Variants in GIGYF2 observed in about 807,000 individuals in gnomAD.
GIGYF2 encodes GRB10 interacting GYF protein 2.
A neutral mutation model predicts 208.1 loss-of-function variants in GIGYF2; 25 were observed. The observed-to-expected ratio is 0.12, with a 90% CI of 0.09 to 0.17. GIGYF2 has a LOEUF of 0.17. Among genes scored for constraint, GIGYF2 ranks in the 10% least tolerant of loss-of-function variants. GIGYF2 has a pLI of 1.00. For synonymous variants in GIGYF2, 534 were observed against 543.8 expected, an observed-to-expected ratio of 0.98 and a Z score of 0.25; for missense variants, 1,302 against 1,579.4, an observed-to-expected ratio of 0.82 and a Z score of 2.98.
intron 2 of GIGYF2, chr2:232,722,593 A>AGACT (rs2106275021): frequency 6.6e-6 from 1 of 152,314 alleles, no homozygotes; most frequent in Admixed American, 6.5e-5. Context: ...CCTGAATTGG[A>AGACT]GACTGGCACA....
chr2:232,720,583 A>ATTTT lies in GIGYF2; in HGVS notation c.-43-14570_-43-14567dup, dbSNP rs1553605416. On this transcript the variant is annotated intron_variant, in intron 2 of 28. Transcript: ENST00000373563. The stretch of plus-strand genomic sequence containing the variant: ...CAGTGTAATATATATATATATATAT[A>ATTTT]TTTTTGTTTGTTTGTTTGTTTGTTT... Among the ~76,000 whole-genome samples, 379 of 144,972 alleles carry ATTTT rather than the reference A, an allele frequency of 2.6e-3. 1 individual carries two copies. The highest frequency in any genetic ancestry group is 5.4e-3 in the African/African-American group (214 of 39,866).
chr2:232,724,551 A>T (rs1697109501), intron 2 of GIGYF2: 1 of 151,370 alleles, frequency 6.6e-6, no homozygotes, highest in Admixed American at 6.6e-5. Flanking sequence ...TAAATATCTG[A>T]AACATTTTTT....
chr2:232,702,941 A>G (rs1391681037), intron 1 of GIGYF2, among the ~76,000 whole-genome samples: 2 of 152,124 alleles, frequency 1.3e-5, no homozygotes, highest in Non-Finnish European at 2.9e-5. Context: ...GACTACAGGC[A>G]TGTGCCACCA....
chr2:232,756,197 C>CTTTTTTTT lies in GIGYF2; in HGVS notation c.268-13_268-6dup, dbSNP rs759525243. ...TTTTCTTTCTTTTTTTCCTTTTTCT[C>CTTTTTTTT]TTTTTTTTTTTTTTTTTTTTGGCAG... On this transcript the variant is annotated intron_variant, in intron 5 of 28. Coordinates refer to ENST00000373563, the MANE Select transcript of GIGYF2 (RefSeq NM_001103146.3). 8.0e-4 allele frequency: 565 copies of CTTTTTTTT among 710,124 alleles called. 4 individuals are homozygous for CTTTTTTTT. Among genetic ancestry groups the CTTTTTTTT allele is most frequent in the South Asian group, 1.7e-3 (88 of 51,106 alleles). 44.0% of individuals were successfully genotyped at this position (710,124 alleles called of 1,614,324 possible).
chr2:232,788,834 C>G (rs760073716), intron 9 of GIGYF2, among the ~76,000 whole-genome samples: 2 of 151,900 alleles, frequency 1.3e-5, no homozygotes, highest in Non-Finnish European at 2.9e-5. Context: ...TTCAGTCACA[C>G]CTGTGGCTGA....
At chr2:232,814,925 A>C (rs1700865461) in intron 18 of GIGYF2, among the ~76,000 whole-genome samples, 2 of 152,206 alleles carry the variant, frequency 1.3e-5, no homozygotes, top group Admixed American at 1.3e-4. Flanking sequence ...AGAATGCTGA[A>C]AAGTGGTGCT....
At chr2:232,776,716 C>A in intron 8 of GIGYF2, 2 of 469,474 alleles carry the variant, frequency 4.3e-6, no homozygotes. Context: ...TTTCTTTACC[C>A]AACACAAACC....
chr2:232,804,672 T>C (rs988896832), intron 14 of GIGYF2, among the ~76,000 whole-genome samples: 1 of 152,130 alleles, frequency 6.6e-6, no homozygotes, highest in African/African-American at 2.4e-5. Flanking sequence ...TTGCATTTTT[T>C]AGTAGAGACA....
At chr2:232,704,184 T>A in intron 2 of GIGYF2, among the ~76,000 whole-genome samples, 1 of 152,152 alleles carries the variant, frequency 6.6e-6, no homozygotes, top group East Asian at 1.9e-4. Flanking sequence ...TGGGGGCAGG[T>A]CTCAGAGAAG....
In GIGYF2 at chr2:232,741,447, C is replaced by CT. The variant is rs1484195447; in HGVS notation, c.42-6159dup. Among the ~76,000 whole-genome samples the CT allele has an allele frequency of 2.9e-3, 398 of 138,106 alleles. 2 individuals are homozygous for CT. Among genetic ancestry groups the CT allele is most frequent in the African/African-American group, 9.6e-3 (360 of 37,460 alleles). 90.6% of individuals were successfully genotyped at this position (138,106 alleles called of 152,430 possible). The stretch of plus-strand genomic sequence containing the variant: ...TTTCCTGGCTTCCTTTTTTTTTTTT[C>CT]TTTTTTTTTGTTTGAAATGGAATCT... On this transcript the variant is annotated intron_variant, in intron 3 of 28. Transcript: ENST00000373563.
chr2:232,702,959 C>G (rs1234906571), intron 1 of GIGYF2, among the ~76,000 whole-genome samples: 3 of 152,098 alleles, frequency 2.0e-5, no homozygotes, highest in Non-Finnish European at 2.9e-5. Context: ...CCATGCCTGG[C>G]TAATTTTTGT....
intron 14 of GIGYF2, 94 bp downstream of exon 14, chr2:232,796,315 AAAAG>A: frequency 3.5e-6 from 3 of 869,170 alleles, no homozygotes; most frequent in South Asian, 2.7e-5. Context: ...TTATAGTAGA[AAAAG>A]AAGTCAACAA....
chr2:232,806,421 G>A lies in GIGYF2; in HGVS notation c.1640-70G>A. 9.3e-7 allele frequency: 1 copy of A among 1,076,606 alleles called. No individual in the cohort carries two copies. Among genetic ancestry groups the A allele is most frequent in the Non-Finnish European group, 1.5e-6 (1 of 689,646 alleles). 66.7% of individuals were successfully genotyped at this position (1,076,606 alleles called of 1,614,324 possible). Reference sequence around the variant, plus strand: ...CCACCTCGATGAGAATCAGATGCAGGAAATATTTTTTTTCTCTTTGAGTCT... The same window carrying A: ...CCACCTCGATGAGAATCAGATGCAGAAAATATTTTTTTTCTCTTTGAGTCT... On this transcript the variant is annotated intron_variant, in intron 14 of 28. Coordinates refer to ENST00000373563, the MANE Select transcript of GIGYF2 (RefSeq NM_001103146.3). This position sits in a 1 kb window ranked among gnomAD's most constrained non-coding sequence, Gnocchi z 4.0.
intron 18 of GIGYF2, among the ~76,000 whole-genome samples, chr2:232,814,005 A>G (rs1369316774): frequency 6.7e-6 from 1 of 148,190 alleles, no homozygotes; most frequent in East Asian, 2.0e-4. Context: ...CCCCTGCCTC[A>G]GCCTCCCGAG....
chr2:232,719,264 C>T (rs1028357272), intron 2 of GIGYF2: 2 of 152,292 alleles, frequency 1.3e-5, no homozygotes, highest in African/African-American at 2.4e-5. Context: ...AAGCAGTATT[C>T]GGGAACACTG....
At position 232,858,447 on chromosome 2, in the gene GIGYF2, A is replaced by T; in HGVS notation, c.*1587A>T. The T allele has an allele frequency of 8.8e-6, 4 of 454,074 alleles. No homozygotes were observed. Among genetic ancestry groups the T allele is most frequent in the Non-Finnish European group, 1.8e-5 (4 of 226,328 alleles). The allele number at this position is 454,074 out of a possible 1,614,324, so 28.1% of individuals were successfully genotyped here. ...GTATATAGTTTTTGGATCAAATAGCATGAGGGGAGAGGAAACCATTAAAAG... is the reference window on the plus strand; with the variant it reads ...GTATATAGTTTTTGGATCAAATAGCTTGAGGGGAGAGGAAACCATTAAAAG... On this transcript the variant is annotated 3_prime_UTR_variant, in exon 29 of 29. Coordinates refer to ENST00000373563, the MANE Select transcript of GIGYF2 (RefSeq NM_001103146.3).
chr2:232,843,906 A>T, intron 23 of GIGYF2, 140 bp from the exon 24 acceptor site: 1 of 738,146 alleles, frequency 1.4e-6, no homozygotes, highest in Admixed American at 2.3e-5. Context: ...TTACATTTTT[A>T]TTTGCAACAG....
chr2:232,844,320 T>C (rs1480306194), intron 24 of GIGYF2, 49 bp from the exon 25 acceptor site: 1 of 1,612,696 alleles, frequency 6.2e-7, no homozygotes, highest in South Asian at 1.1e-5. Context: ...TGTCTTCTTA[T>C]CTTTTTAACA....
At position 232,756,197 on chromosome 2, in the gene GIGYF2, CTTTTTTTTTTTT is replaced by C. The variant is rs759525243; in HGVS notation, c.268-17_268-6del. Reference sequence around the variant, plus strand: ...TTTTCTTTCTTTTTTTCCTTTTTCTCTTTTTTTTTTTTTTTTTTTTGGCAGAGAAACTTTTCC... The same window carrying C: ...TTTTCTTTCTTTTTTTCCTTTTTCTCTTTTTTTTGGCAGAGAAACTTTTCC... On this transcript the variant is annotated splice_polypyrimidine_tract_variant and intron_variant, in intron 5 of 28. Transcript: ENST00000373563. The C allele has an allele frequency of 3.1e-5, 22 of 710,672 alleles. No homozygotes were observed. The highest frequency in any genetic ancestry group is 4.6e-5 in the Non-Finnish European group (21 of 455,054). The allele number at this position is 710,672 out of a possible 1,614,324, so 44.0% of individuals were successfully genotyped here.
Sources: allele counts gnomAD v4.1 joint callset (sites outside exome capture counted in the v4.1 genomes callset), GRCh38; gene constraint gnomAD v4.1.1; non-coding constraint Gnocchi (gnomAD v3.1); transcripts MANE v1.5; gene names NCBI Gene and HGNC (gene_info 2026-07-23, HGNC 2026-07-21).